Variants in SGCD observed in about 807,000 individuals in gnomAD.
SGCD encodes delta-sarcoglycan.
Under a neutral mutation model 36.6 loss-of-function variants are expected in SGCD, and 18 were observed. That is an observed-to-expected ratio of 0.49 (90% CI 0.34 to 0.73). The LOEUF (loss-of-function observed/expected upper bound fraction) is 0.73. Among genes scored for constraint, SGCD ranks in the 30% least tolerant of loss-of-function variants. The pLI, the probability that SGCD is intolerant of heterozygous loss-of-function variation, is 0.01. For synonymous variants in SGCD, 133 were observed against 130.6 expected (o/e 1.02, Z -0.12); for missense variants, 387 against 346.7 (o/e 1.12, Z -0.92).
At chr5:156,715,027 A>C (rs1029625032) in intron 7 of SGCD, among the ~76,000 whole-genome samples, 24 of 152,334 alleles carry the variant, frequency 1.6e-4, no homozygotes, top group Admixed American at 1.4e-3. Context: ...TGACAGGCTC[A>C]GGAAAGGGCT....
Position 156,634,125 on chromosome 5 carries a change from C to T in SGCD, c.503-13339C>T, listed in dbSNP as rs886926394. ...TCACTCCTCTCTCCTCTCTTCCCCACAGGACAACGAGCCTACTCTCCACTA... is the reference window on the plus strand; with the variant it reads ...TCACTCCTCTCTCCTCTCTTCCCCATAGGACAACGAGCCTACTCTCCACTA... On this transcript the variant is annotated intron_variant, in intron 6 of 8. Coordinates refer to ENST00000337851, the MANE Select transcript of SGCD (RefSeq NM_000337.6). 4.1e-4 allele frequency among the ~76,000 whole-genome samples: 62 copies of T among 152,190 alleles called. 1 individual carries two copies. The highest frequency in any genetic ancestry group is 1.5e-5 in the Non-Finnish European group (1 of 68,032).
chr5:156,070,778 G>C (rs962027736), intron 1 of SGCD, among the ~76,000 whole-genome samples: 6 of 152,096 alleles, frequency 3.9e-5, no homozygotes, highest in Non-Finnish European at 7.3e-5. Context: ...TTTTTGGTTG[G>C]TAAGCTATTG....
intron 1 of SGCD, among the ~76,000 whole-genome samples, chr5:156,116,579 A>G (rs977765902): frequency 6.6e-6 from 1 of 152,158 alleles, no homozygotes; most frequent in African/African-American, 2.4e-5. Context: ...ACATGTTTAC[A>G]GTTTTTATCA....
the SGCD span, among the ~76,000 whole-genome samples, chr5:155,792,990 A>G: frequency 6.6e-6 from 1 of 152,234 alleles, no homozygotes; most frequent in Non-Finnish European, 1.5e-5. Flanking sequence ...TAGCAAAGTC[A>G]TGGAATCAAC....
At chr5:155,732,357 TG>T in the SGCD span, among the ~76,000 whole-genome samples, 1 of 152,214 alleles carries the variant, frequency 6.6e-6, no homozygotes, top group Non-Finnish European at 1.5e-5. Context: ...AGTCCAGGCG[TG>T]GTTGACTTCA....
chr5:155,742,759 C>T, the SGCD span, among the ~76,000 whole-genome samples: 5 of 152,196 alleles, frequency 3.3e-5, no homozygotes, highest in African/African-American at 1.2e-4. Flanking sequence ...AAGTTAAGGG[C>T]TCAGTCCCAC....
At chr5:156,355,898 T>A (rs1580865297) in intron 3 of SGCD, among the ~76,000 whole-genome samples, 1 of 152,300 alleles carries the variant, frequency 6.6e-6, no homozygotes, top group East Asian at 1.9e-4. Context: ...CGGCCTCACA[T>A]AATTTCTGTG....
chr5:155,936,205 G>A (rs927041537), intron 1 of SGCD, among the ~76,000 whole-genome samples: 12 of 152,190 alleles, frequency 7.9e-5, no homozygotes, highest in African/African-American at 2.9e-4. Flanking sequence ...GTGCGTTTCA[G>A]CCCTGTATGT....
intron 2 of SGCD, among the ~76,000 whole-genome samples, chr5:156,122,843 TAAAAAAAAAAAAAAAAAAAAAAAAAAAAA>T (rs33983852): frequency 5.5e-5 from 3 of 54,158 alleles, no homozygotes; most frequent in African/African-American, 2.4e-4. Flanking sequence ...AAAGATGTGG[TAAAAAAAAAAAAAAAAAAAAAAAAAAAAA>T]AAAAAAAAAA....
the SGCD span, among the ~76,000 whole-genome samples, chr5:155,864,239 C>T: frequency 0.066 from 10,048 of 152,090 alleles, 397 homozygotes; most frequent in African/African-American, 0.11. Context: ...CAGGAGGGAG[C>T]GCAGTAGGCG....
At chr5:156,351,066 C>T (rs1323279734) in intron 3 of SGCD, among the ~76,000 whole-genome samples, 1 of 152,158 alleles carries the variant, frequency 6.6e-6, no homozygotes, top group Admixed American at 6.5e-5. Context: ...TCATAGGTCA[C>T]TTTCATCTGA....
intron 1 of SGCD, among the ~76,000 whole-genome samples, chr5:155,971,697 C>G (rs1375829462): frequency 6.6e-6 from 1 of 151,952 alleles, no homozygotes; most frequent in Non-Finnish European, 1.5e-5. Context: ...TATAATATTA[C>G]CTGGGAATTG....
chr5:155,872,299 A>G (rs557120948), intron 1 of SGCD, among the ~76,000 whole-genome samples: 1 of 151,990 alleles, frequency 6.6e-6, no homozygotes, highest in Admixed American at 6.6e-5. Context: ...AATCAATGTG[A>G]AACAATGCTC....
rs572855129 is a variant in SGCD, at chr5:156,054,216, C to G, written c.-281-63662C>G. 3.5e-4 allele frequency among the ~76,000 whole-genome samples: 50 copies of G among 144,926 alleles called. 2 individuals are homozygous for G. Among genetic ancestry groups the G allele is most frequent in the African/African-American group, 1.1e-3 (43 of 40,412 alleles). On this transcript the variant is annotated intron_variant, in intron 1 of 9. Coordinates refer to the SGCD transcript ENST00000517913. ...TTCCCATTACCACTTTCTTGCAAAGCTAAAGTGCAACACCAAACATCTGGA... is the reference window on the plus strand; with the variant it reads ...TTCCCATTACCACTTTCTTGCAAAGGTAAAGTGCAACACCAAACATCTGGA...
intron 3 of SGCD, among the ~76,000 whole-genome samples, chr5:156,434,958 T>C (rs902267284): frequency 6.6e-6 from 1 of 152,240 alleles, no homozygotes; most frequent in Non-Finnish European, 1.5e-5. Flanking sequence ...TTCCTCAATT[T>C]ATACTATCTC....
At chr5:155,840,250 T>G in the SGCD span, among the ~76,000 whole-genome samples, 10 of 151,298 alleles carry the variant, frequency 6.6e-5, no homozygotes, top group Admixed American at 1.3e-4. Flanking sequence ...TGCCTTTTTT[T>G]TTTTTTCTTT....
chr5:156,088,557 T>G (rs1390653793), intron 1 of SGCD, among the ~76,000 whole-genome samples: 3 of 152,098 alleles, frequency 2.0e-5, no homozygotes, highest in Non-Finnish European at 4.4e-5. Context: ...TAGAATGCAG[T>G]GGTGCAATCA....
intron 3 of SGCD, among the ~76,000 whole-genome samples, chr5:156,381,731 G>A (rs1401829134): frequency 6.6e-6 from 1 of 152,136 alleles, no homozygotes; most frequent in Non-Finnish European, 1.5e-5. Flanking sequence ...TAAAGGGTTT[G>A]GTACACAGCA....
chr5:156,582,160 C>T (rs1325316548), intron 4 of SGCD, among the ~76,000 whole-genome samples: 5 of 152,096 alleles, frequency 3.3e-5, no homozygotes, highest in Non-Finnish European at 1.5e-5. Context: ...AGCAAGAAGG[C>T]TCAGGCTGTT....
Sources: gnomAD v4.1 joint callset for allele counts (sites outside exome capture counted in the v4.1 genomes callset) on GRCh38, gnomAD v4.1.1 for gene constraint, MANE v1.5 for transcripts, NCBI Gene and HGNC (gene_info 2026-07-23, HGNC 2026-07-21) for gene names.